The following FLRT2 variants were observed in gnomAD, a reference collection of about 807,000 sequenced individuals.
FLRT2 encodes leucine-rich repeat transmembrane protein FLRT2.
FLRT2 carries 15 observed loss-of-function variants against 40.0 expected under a neutral mutation model. That is an observed-to-expected ratio of 0.38 (90% confidence interval 0.25 to 0.58). FLRT2 has a LOEUF of 0.58. Ranked by LOEUF, FLRT2 falls within the 20% of genes least tolerant of loss-of-function variation. The pLI is 0.71. For missense variants in FLRT2, 726 were observed against 840.0 expected, an observed-to-expected ratio of 0.86 and a Z score of 1.68; for synonymous variants, 380 against 336.8, an observed-to-expected ratio of 1.13 and a Z score of -1.41.
At chr14:85,557,356 C>T (rs1264225776) in intron 1 of FLRT2, among the ~76,000 whole-genome samples, 4 of 151,814 alleles carry the variant, frequency 2.6e-5, no homozygotes, top group East Asian at 1.9e-4. Flanking sequence ...ATACCTCTGC[C>T]GCACCTAACC....
intron 1 of FLRT2, among the ~76,000 whole-genome samples, chr14:85,564,921 T>C (rs1166698323): frequency 6.6e-6 from 1 of 152,230 alleles, no homozygotes; most frequent in East Asian, 1.9e-4. Context: ...AGACTCATCC[T>C]ATGATCACTA....
chr14:85,566,572 T>TGTGTGTGTGTGTGTGTGTGTGC (rs1218679592), intron 1 of FLRT2, among the ~76,000 whole-genome samples: 30 of 151,774 alleles, frequency 2.0e-4, no homozygotes, highest in African/African-American at 6.5e-4. Context: ...TGTGTGTGTG[T>TGTGTGTGTGTGTGTGTGTGTGC]GTGTGCAAGA....
chr14:85,575,492 G>T (rs73319567), intron 1 of FLRT2, among the ~76,000 whole-genome samples: 3 of 152,242 alleles, frequency 2.0e-5, no homozygotes, highest in African/African-American at 7.2e-5. Context: ...GTTGGACCTG[G>T]GGAAATAAAA....
chr14:85,533,462 A>G (rs1479818100), intron 1 of FLRT2, among the ~76,000 whole-genome samples: 1 of 151,900 alleles, frequency 6.6e-6, no homozygotes, highest in East Asian at 2.0e-4. Context: ...CTGTCCGCAC[A>G]CACGCGTCGG....
intron 1 of FLRT2, among the ~76,000 whole-genome samples, chr14:85,597,329 T>C (rs1041997325): frequency 1.3e-5 from 2 of 152,106 alleles, no homozygotes; most frequent in African/African-American, 2.4e-5. Context: ...CTAAGACAGG[T>C]ATGTGAGAAA....
In FLRT2 at chr14:85,633,240, TG is replaced by T. The variant is rs1043386415; in HGVS notation, c.*9748del. The T allele has an allele frequency of 2.0e-5, 3 of 152,138 alleles. No homozygotes were observed. The South Asian group carries it at 6.2e-4, about 32-fold the overall frequency. The allele number at this position is 152,138 out of a possible 1,614,324, so 9.4% of individuals were successfully genotyped here. A position where few individuals can be genotyped will look rare whatever the true frequency, so the allele number is the denominator to read the frequency against. On this transcript the variant is annotated 3_prime_UTR_variant, in exon 2 of 2. Transcript: ENST00000330753. ...GGTTTTCATTATTCTGTATTCTTTCTGGGGGAAAAAAATTGGGAAGATGAGG... is the reference window on the plus strand; with the variant it reads ...GGTTTTCATTATTCTGTATTCTTTCTGGGGAAAAAAATTGGGAAGATGAGG...
chr14:85,535,934 G>GTTT (rs1888635966), intron 1 of FLRT2, among the ~76,000 whole-genome samples: 3 of 64,382 alleles, frequency 4.7e-5, no homozygotes, highest in Non-Finnish European at 9.3e-5. Flanking sequence ...TGTTGTTGTT[G>GTTT]TTGTTGTTGT....
rs549714192 is a variant in FLRT2 at position 85,578,201 on chromosome 14, T to C, written c.-376-42938T>C. Among the ~76,000 whole-genome samples the C allele has an allele frequency of 4.1e-5, 6 of 146,230 alleles. No individual in the cohort carries two copies. In the East Asian group the frequency reaches 1.2e-3, roughly 29 times the overall value. ...ATCTTTATATATATTTATATATATT[T>C]ATATATAAATATACGTATATATATT... On this transcript the variant is annotated intron_variant, in intron 1 of 1. Coordinates refer to ENST00000330753, the MANE Select transcript of FLRT2 (RefSeq NM_013231.6).
At chr14:85,564,816 G>A (rs6574829) in intron 1 of FLRT2, among the ~76,000 whole-genome samples, 2 of 152,206 alleles carry the variant, frequency 1.3e-5, no homozygotes, top group Middle Eastern at 3.4e-3. Context: ...GATGAGAATT[G>A]TAATAGCACT....
In FLRT2 at chr14:85,632,401, G is replaced by A. The variant is rs1304159001; in HGVS notation, c.*8904G>A. The A allele has an allele frequency of 6.7e-6, 1 of 150,294 alleles. No individual in the cohort carries two copies. The highest frequency in any genetic ancestry group is 2.0e-4 in the East Asian group (1 of 4,978). 9.3% of individuals were successfully genotyped at this position (150,294 alleles called of 1,614,324 possible). A position where few individuals can be genotyped will look rare whatever the true frequency, so the allele number is the denominator to read the frequency against. ...GCAGGAGAATTGCTTGAACCTAGGAGGTGGAGGTTGCAGTGAGCCAAGATC... is the reference window on the plus strand; with the variant it reads ...GCAGGAGAATTGCTTGAACCTAGGAAGTGGAGGTTGCAGTGAGCCAAGATC... On this transcript the variant is annotated 3_prime_UTR_variant, in exon 2 of 2. Transcript: ENST00000330753.
rs1256678694 is a variant in FLRT2 at position 85,652,605 on chromosome 14, A to G, written c.*29108A>G. The G allele has an allele frequency of 6.6e-6, 1 of 152,116 alleles. No individual in the cohort carries two copies. Among genetic ancestry groups the G allele is most frequent in the East Asian group, 1.9e-4 (1 of 5,196 alleles). The allele number at this position is 152,116 out of a possible 1,614,324, so 9.4% of individuals were successfully genotyped here. Reference sequence around the variant, plus strand: ...TAAATAAATTTAAGATGACATTATGACTTATTAGGCCACAGTTAAATATGA... The same window carrying G: ...TAAATAAATTTAAGATGACATTATGGCTTATTAGGCCACAGTTAAATATGA... On this transcript the variant is annotated 3_prime_UTR_variant, in exon 2 of 2. Transcript: ENST00000330753.
At chr14:85,554,698 A>G (rs1456836593) in intron 1 of FLRT2, among the ~76,000 whole-genome samples, 2 of 152,228 alleles carry the variant, frequency 1.3e-5, no homozygotes, top group Non-Finnish European at 2.9e-5. Context: ...ATATTAGTCT[A>G]GGTTTTAATC....
chr14:85,585,408 C>A (rs1031917053), intron 1 of FLRT2, among the ~76,000 whole-genome samples: 2 of 152,106 alleles, frequency 1.3e-5, no homozygotes, highest in African/African-American at 4.8e-5. Flanking sequence ...TTTGATGGGG[C>A]CCAGCAGTGT....
intron 1 of FLRT2, among the ~76,000 whole-genome samples, chr14:85,593,868 C>T (rs1317031387): frequency 6.6e-6 from 1 of 151,968 alleles, no homozygotes; most frequent in Non-Finnish European, 1.5e-5. Flanking sequence ...ATGGTGAAAC[C>T]CCATCTTTAC....
At position 85,624,078 on chromosome 14, in the gene FLRT2, G is replaced by A. The variant is rs1274337223; in HGVS notation, c.*581G>A. ...AAGCACCAGGAGGAAGCCGGTTCCC[G>A]TGAGATAAGTTAACCCGGCCTGACA... On this transcript the variant is annotated 3_prime_UTR_variant, in exon 2 of 2. Transcript: ENST00000330753. 1 of 167,094 alleles carries A rather than the reference G, an allele frequency of 6.0e-6. No homozygotes were observed. The highest frequency in any genetic ancestry group is 3.1e-3 in the Middle Eastern group (1 of 318). 10.4% of individuals were successfully genotyped at this position (167,094 alleles called of 1,614,324 possible). A position where few individuals can be genotyped will look rare whatever the true frequency, so the allele number is the denominator to read the frequency against.
In FLRT2 at chr14:85,653,241, G is replaced by A. The variant is rs893250550; in HGVS notation, c.*29744G>A. The stretch of plus-strand genomic sequence containing the variant: ...TAAATGAAATGTTTTGAGCAAAGTT[G>A]TAACCCTGCCCACAAAATAGCTTTG... On this transcript the variant is annotated 3_prime_UTR_variant, in exon 2 of 2. Coordinates refer to ENST00000330753, the MANE Select transcript of FLRT2 (RefSeq NM_013231.6). The A allele has an allele frequency of 1.3e-5, 2 of 152,098 alleles. No homozygotes were observed. Among genetic ancestry groups the A allele is most frequent in the Non-Finnish European group, 2.9e-5 (2 of 68,024 alleles). The allele number at this position is 152,098 out of a possible 1,614,324, so 9.4% of individuals were successfully genotyped here. A position where few individuals can be genotyped will look rare whatever the true frequency, so the allele number is the denominator to read the frequency against.
intron 1 of FLRT2, among the ~76,000 whole-genome samples, chr14:85,577,185 G>C (rs1020095507): frequency 6.6e-5 from 10 of 152,122 alleles, no homozygotes; most frequent in African/African-American, 1.4e-4. Context: ...GTAGTAAAAG[G>C]CTTTTGAATC....
In FLRT2 at chr14:85,621,468, C is replaced by A. The variant is rs777334566; in HGVS notation, c.-47C>A. Reference sequence around the variant, plus strand: ...TGATTTTGCTGTTTATTTTTTTTTTCTTTTTCTTTTTCCCACCACATTGTA... The same window carrying A: ...TGATTTTGCTGTTTATTTTTTTTTTATTTTTCTTTTTCCCACCACATTGTA... On this transcript the variant is annotated 5_prime_UTR_variant, in exon 2 of 2. Transcript: ENST00000330753. 3 of 1,460,634 alleles carry A rather than the reference C, an allele frequency of 2.1e-6. No individual in the cohort carries two copies. Among genetic ancestry groups the A allele is most frequent in the East Asian group, 2.3e-5 (1 of 43,446 alleles). The allele number at this position is 1,460,634 out of a possible 1,614,324, so 90.5% of individuals were successfully genotyped here. A position where few individuals can be genotyped will look rare whatever the true frequency, so the allele number is the denominator to read the frequency against.
At position 85,642,217 on chromosome 14, in the gene FLRT2, A is replaced by G. The variant is rs1457443915; in HGVS notation, c.*18720A>G. ...GCTGAAATATAATTTCAGTTGAATC[A>G]CACCCTCATCAGGTCTTCTCTGTGA... On this transcript the variant is annotated 3_prime_UTR_variant, in exon 2 of 2. Transcript: ENST00000330753. The G allele has an allele frequency of 6.6e-6, 1 of 152,092 alleles. No individual in the cohort carries two copies. The highest frequency in any genetic ancestry group is 2.4e-5 in the African/African-American group (1 of 41,428). 9.4% of individuals were successfully genotyped at this position (152,092 alleles called of 1,614,324 possible). A position where few individuals can be genotyped will look rare whatever the true frequency, so the allele number is the denominator to read the frequency against.
Sources: gnomAD v4.1 joint callset for allele counts (sites outside exome capture counted in the v4.1 genomes callset) on GRCh38, gnomAD v4.1.1 for gene constraint, MANE v1.5 for transcripts, NCBI Gene and HGNC (gene_info 2026-07-23, HGNC 2026-07-21) for gene names.